IGSF3: variants seen among roughly 807,000 people sequenced by gnomAD.
The protein encoded by IGSF3 is glu-Trp-Ile EWI motif-containing protein 3.
In IGSF3, 23 loss-of-function variants were observed where a neutral mutation model predicts 114.4. The ratio of observed to expected loss-of-function variants is 0.20; its 90% CI spans 0.14 to 0.28. The LOEUF is 0.28. Among genes scored for constraint, IGSF3 ranks in the 10% least tolerant of loss-of-function variants. The pLI is 1.00. For synonymous variants in IGSF3, 571 were observed against 645.2 expected, an observed-to-expected ratio of 0.88 and a Z score of 1.74; for missense variants, 1,172 against 1,591.5, an observed-to-expected ratio of 0.74 and a Z score of 4.48.
At chr1:116,613,135 A>G (rs1661087221) in intron 4 of IGSF3, among the ~76,000 whole-genome samples, 1 of 152,248 alleles carries the variant, frequency 6.6e-6, no homozygotes, top group African/African-American at 2.4e-5. Flanking sequence ...AGTAATCTGC[A>G]TTCAGCATCT....
chr1:116,649,339 G>A lies in IGSF3; in HGVS notation c.43+16945C>T, dbSNP rs562522338. ...TGTGAGGGAGGCTGGAAAATCTGGA[G>A]TATGTGCATGTCTAGTGAGTTGCCT... is the stretch of plus-strand genomic sequence containing the variant. On this transcript the variant is annotated intron_variant, in intron 2 of 10. Coordinates refer to ENST00000369486, the MANE Select transcript of IGSF3 (RefSeq NM_001007237.3). This position sits in a 1 kb window ranked among gnomAD's most constrained non-coding sequence, Gnocchi z 4.5. Among the ~76,000 whole-genome samples, 14 of 152,372 alleles carry A rather than the reference G, an allele frequency of 9.2e-5. No homozygotes were observed. Among genetic ancestry groups the A allele is most frequent in the African/African-American group, 2.6e-4 (11 of 41,590 alleles).
At chr1:116,653,635 T>C (rs1357332852) in intron 2 of IGSF3, among the ~76,000 whole-genome samples, 2 of 152,232 alleles carry the variant, frequency 1.3e-5, no homozygotes, top group Admixed American at 1.3e-4. Context: ...CAGTACTCCT[T>C]CCACCCTCTA....
rs764758957 is a variant in IGSF3 at position 116,577,076 on chromosome 1, A to G, written c.*236T>C. The G allele has an allele frequency of 6.8e-5, 36 of 529,292 alleles. No individual in the cohort carries two copies. The highest frequency in any genetic ancestry group is 1.1e-4 in the Non-Finnish European group (32 of 296,374). 32.8% of individuals were successfully genotyped at this position (529,292 alleles called of 1,614,324 possible). Reference sequence around the variant, plus strand: ...ACTCACTACATTACTAAAAACAGAAACAAGAAATCTATAATGGCAGGATCA... The same window carrying G: ...ACTCACTACATTACTAAAAACAGAAGCAAGAAATCTATAATGGCAGGATCA... On this transcript the variant is annotated 3_prime_UTR_variant, in exon 11 of 11. Coordinates refer to ENST00000369486, the MANE Select transcript of IGSF3 (RefSeq NM_001007237.3). This position sits in a 1 kb window ranked among gnomAD's most constrained non-coding sequence, Gnocchi z 5.7.
intron 2 of IGSF3, among the ~76,000 whole-genome samples, chr1:116,643,975 C>T (rs1295683238): frequency 6.6e-6 from 1 of 152,166 alleles, no homozygotes; most frequent in Non-Finnish European, 1.5e-5. Context: ...AACACGTGCA[C>T]CAATTTGGAG....
chr1:116,635,489 T>C (rs904025452), intron 2 of IGSF3, among the ~76,000 whole-genome samples: 4 of 152,206 alleles, frequency 2.6e-5, no homozygotes, highest in African/African-American at 9.6e-5. Context: ...TAGCCACAGA[T>C]TGTCCACTTT....
At position 116,605,229 on chromosome 1, in the gene IGSF3, G is replaced by A. The variant is rs1370317429; in HGVS notation, c.1223-1204C>T. Among the ~76,000 whole-genome samples, 2 of 151,794 alleles carry A rather than the reference G, an allele frequency of 1.3e-5. No individual in the cohort carries two copies. The highest frequency in any genetic ancestry group is 4.8e-5 in the African/African-American group (2 of 41,306). On this transcript the variant is annotated intron_variant, in intron 5 of 10. Coordinates refer to ENST00000369486, the MANE Select transcript of IGSF3 (RefSeq NM_001007237.3). The surrounding 1 kb of genome is among the most constrained non-coding windows in gnomAD (Gnocchi z 5.1). ...TTAAATCAAATCCCAGATTTTAAGA[G>A]GCACACCCAATTACCAAGAGAAAAC...
In IGSF3 at chr1:116,614,126, T is replaced by C; in HGVS notation, c.471A>G (p.Arg157=). ...QTTAMPQTLH[R]VEQDPLELTC... is the part of the protein sequence containing the mutation. ...TGAGCTCCAGCGGGTCCTGCTCCAC[T>C]CTGTGCAGAGTCTGGGGCATGGCAG... The change falls in exon 4 of 11, where the codon AGA becomes AGG. Residue 157 remains arginine (R), a synonymous_variant. Transcript: ENST00000369486. The surrounding 1 kb of genome is among the most constrained non-coding windows in gnomAD (Gnocchi z 4.5). 1 of 1,613,796 alleles carries C rather than the reference T, an allele frequency of 6.2e-7. No individual in the cohort carries two copies. Among genetic ancestry groups the C allele is most frequent in the Non-Finnish European group, 8.5e-7 (1 of 1,179,960 alleles).
Position 116,603,067 on chromosome 1 carries a change from T to TG in IGSF3, c.1624+556dup, listed in dbSNP as rs1660659366. On this transcript the variant is annotated intron_variant, in intron 6 of 10. Coordinates refer to ENST00000369486, the MANE Select transcript of IGSF3 (RefSeq NM_001007237.3). The surrounding 1 kb of genome is among the most constrained non-coding windows in gnomAD (Gnocchi z 7.1). ...TGAAAGTGTCTGTCACTTGGCTAGG[T>TG]GGGGATTCAATGGGACAACTAAGCT... Among the ~76,000 whole-genome samples, 1 of 152,164 alleles carries TG rather than the reference T, an allele frequency of 6.6e-6. No individual in the cohort carries two copies. The highest frequency in any genetic ancestry group is 2.4e-5 in the African/African-American group (1 of 41,440).
In IGSF3 at chr1:116,634,928, A is replaced by G. The variant is rs1205726172; in HGVS notation, c.44-18471T>C. On this transcript the variant is annotated intron_variant, in intron 2 of 10. Coordinates refer to ENST00000369486, the MANE Select transcript of IGSF3 (RefSeq NM_001007237.3). The surrounding 1 kb of genome is among the most constrained non-coding windows in gnomAD (Gnocchi z 4.2). The stretch of plus-strand genomic sequence containing the variant: ...GCCCAAGCTACCCCACAGGAGAGAC[A>G]AGGTGAAGAGAATGAGATGCCAGTC... 3.3e-5 allele frequency among the ~76,000 whole-genome samples: 5 copies of G among 152,142 alleles called. No individual in the cohort carries two copies. Among genetic ancestry groups the G allele is most frequent in the Admixed American group, 1.3e-4 (2 of 15,276 alleles).
Position 116,651,257 on chromosome 1 carries a change from T to C in IGSF3, c.43+15027A>G, listed in dbSNP as rs570647700. 2.1e-4 allele frequency among the ~76,000 whole-genome samples: 32 copies of C among 152,376 alleles called. No homozygotes were observed. Among genetic ancestry groups the C allele is most frequent in the Admixed American group, 1.9e-3 (29 of 15,312 alleles). On this transcript the variant is annotated intron_variant, in intron 2 of 10. Transcript: ENST00000369486. This position sits in a 1 kb window ranked among gnomAD's most constrained non-coding sequence, Gnocchi z 4.4. ...TATGCCAGTATCTCTTTCCTGCCTC[T>C]TTCTTCTTCAGGCCAAATGGCTCCT...
chr1:116,607,127 T>C lies in IGSF3; in HGVS notation c.1222+815A>G, dbSNP rs1412929400. On this transcript the variant is annotated intron_variant, in intron 5 of 10. Coordinates refer to ENST00000369486, the MANE Select transcript of IGSF3 (RefSeq NM_001007237.3). The surrounding 1 kb of genome is among the most constrained non-coding windows in gnomAD (Gnocchi z 6.1). ...AAGGTTAAAGGTTAGTCTTAAAACTTTACCACTTGTTTAAAATCAGAGCAT... is the reference window on the plus strand; with the variant it reads ...AAGGTTAAAGGTTAGTCTTAAAACTCTACCACTTGTTTAAAATCAGAGCAT... 1.3e-5 allele frequency among the ~76,000 whole-genome samples: 2 copies of C among 152,200 alleles called. No homozygotes were observed. The highest frequency in any genetic ancestry group is 2.9e-5 in the Non-Finnish European group (2 of 68,034).
intron 2 of IGSF3, among the ~76,000 whole-genome samples, chr1:116,658,039 A>G (rs891895450): frequency 2.8e-4 from 40 of 143,456 alleles, no homozygotes; most frequent in Non-Finnish European, 5.3e-4. Context: ...TTTTTTTTTG[A>G]AATGGAGTTT....
rs1320536525 is a variant in IGSF3 at position 116,625,052 on chromosome 1, ATTG to A, written c.44-8598_44-8596del. On this transcript the variant is annotated intron_variant, in intron 2 of 10. Transcript: ENST00000369486. The surrounding 1 kb of genome is among the most constrained non-coding windows in gnomAD (Gnocchi z 4.7). ...CCACAGATTCTGTGAGCATAACAAA[ATTG>A]TTGTTTTAAGCCACTGAGGTTTGGA... Among the ~76,000 whole-genome samples the A allele has an allele frequency of 1.3e-5, 2 of 152,230 alleles. No homozygotes were observed. The highest frequency in any genetic ancestry group is 2.9e-5 in the Non-Finnish European group (2 of 68,032).
intron 1 of IGSF3, among the ~76,000 whole-genome samples, 175 bp downstream of exon 1, chr1:116,667,443 G>T (rs1457507234): frequency 6.6e-6 from 1 of 152,056 alleles, no homozygotes; most frequent in East Asian, 1.9e-4. Context: ...TTCAGCTGCC[G>T]GAGCGCGCTC....
chr1:116,622,908 G>C (rs1346135109), intron 2 of IGSF3, among the ~76,000 whole-genome samples: 1 of 152,210 alleles, frequency 6.6e-6, no homozygotes, highest in African/African-American at 2.4e-5. Context: ...TTGCCCACCT[G>C]GTCCTAAAGG....
At chr1:116,653,338 A>C (rs1648709882) in intron 2 of IGSF3, among the ~76,000 whole-genome samples, 1 of 152,232 alleles carries the variant, frequency 6.6e-6, no homozygotes, top group East Asian at 1.9e-4. Flanking sequence ...AGAGGTGTTG[A>C]ATAAATGATG....
chr1:116,589,562 C>A lies in IGSF3; in HGVS notation c.2030-458G>T, dbSNP rs566785495. Among the ~76,000 whole-genome samples, 2 of 152,234 alleles carry A rather than the reference C, an allele frequency of 1.3e-5. No individual in the cohort carries two copies. The highest frequency in any genetic ancestry group is 2.9e-5 in the Non-Finnish European group (2 of 68,006). On this transcript the variant is annotated intron_variant, in intron 7 of 10. Coordinates refer to ENST00000369486, the MANE Select transcript of IGSF3 (RefSeq NM_001007237.3). This position sits in a 1 kb window ranked among gnomAD's most constrained non-coding sequence, Gnocchi z 5.7. ...CTCAGGCACCCTCCACAGGCGCATG[C>A]CCCTGGTGCAGTTTCCCTGAGCCCT...
In IGSF3 at chr1:116,576,309, C is replaced by CT. The variant is rs1659340758; in HGVS notation, c.*1002dup. ...GGCCCACTTCCAAGTTCACTGGACACTTTCTTTTAAGAGTTTGGCAAAGCA... is the reference window on the plus strand; with the variant it reads ...GGCCCACTTCCAAGTTCACTGGACACTTTTCTTTTAAGAGTTTGGCAAAGCA... On this transcript the variant is annotated 3_prime_UTR_variant, in exon 11 of 11. Transcript: ENST00000369486. This position sits in a 1 kb window ranked among gnomAD's most constrained non-coding sequence, Gnocchi z 4.6. 1 of 152,706 alleles carries CT rather than the reference C, an allele frequency of 6.5e-6. No homozygotes were observed. Among genetic ancestry groups the CT allele is most frequent in the African/African-American group, 2.4e-5 (1 of 41,452 alleles). 9.5% of individuals were successfully genotyped at this position (152,706 alleles called of 1,614,324 possible).
In IGSF3 at chr1:116,575,671, T is replaced by G. The variant is rs1357755574; in HGVS notation, c.*1641A>C. 1 of 151,930 alleles carries G rather than the reference T, an allele frequency of 6.6e-6. No individual in the cohort carries two copies. Among genetic ancestry groups the G allele is most frequent in the African/African-American group, 2.4e-5 (1 of 41,316 alleles). 9.4% of individuals were successfully genotyped at this position (151,930 alleles called of 1,614,324 possible). On this transcript the variant is annotated 3_prime_UTR_variant, in exon 11 of 11. Transcript: ENST00000369486. This position sits in a 1 kb window ranked among gnomAD's most constrained non-coding sequence, Gnocchi z 5.6. Reference sequence around the variant, plus strand: ...GGATTCAGGATGTAAGTTCCCAGAGTAAAGGAGATGGCATGCTTGGCCAGA... The same window carrying G: ...GGATTCAGGATGTAAGTTCCCAGAGGAAAGGAGATGGCATGCTTGGCCAGA...
Sources: allele counts gnomAD v4.1 joint callset (sites outside exome capture counted in the v4.1 genomes callset), GRCh38; gene constraint gnomAD v4.1.1; non-coding constraint Gnocchi (gnomAD v3.1); transcripts MANE v1.5; gene names NCBI Gene and HGNC (gene_info 2026-07-23, HGNC 2026-07-21).